CLIC4: variants seen among roughly 807,000 people sequenced by gnomAD.
The protein encoded by CLIC4 is chloride intracellular channel protein 4.
Under a neutral mutation model 24.6 loss-of-function variants are expected in CLIC4, and 13 were observed. That is an observed-to-expected ratio of 0.53 (90% CI 0.34 to 0.84). The LOEUF (loss-of-function observed/expected upper bound fraction) is 0.84. Among genes scored for constraint, CLIC4 ranks in the 40% least tolerant of loss-of-function variants. The pLI, the probability that CLIC4 is intolerant of heterozygous loss-of-function variation, is 0.01. For missense variants in CLIC4, 227 were observed against 301.7 expected, an observed-to-expected ratio of 0.75 and a Z score of 1.83; for synonymous variants, 104 against 111.3, an observed-to-expected ratio of 0.93 and a Z score of 0.41.
intron 1 of CLIC4, among the ~76,000 whole-genome samples, chr1:24,754,678 C>T (rs1638820915): frequency 6.6e-6 from 1 of 151,868 alleles, no homozygotes; most frequent in Non-Finnish European, 1.5e-5. Context: ...AGGGCATCAG[C>T]TAGTGAATTT....
chr1:24,801,585 C>G (rs1008465673), intron 2 of CLIC4, among the ~76,000 whole-genome samples: 3 of 152,120 alleles, frequency 2.0e-5, no homozygotes, highest in Non-Finnish European at 4.4e-5. Flanking sequence ...TGAACAGTGT[C>G]CAGGAAAAGA....
chr1:24,818,344 T>C (rs1262670492), intron 3 of CLIC4, among the ~76,000 whole-genome samples: 1 of 152,150 alleles, frequency 6.6e-6, no homozygotes, highest in Non-Finnish European at 1.5e-5. Flanking sequence ...TGGAGTGCAG[T>C]GGCACAATCT....
At chr1:24,767,405 G>A (rs1397137383) in intron 1 of CLIC4, among the ~76,000 whole-genome samples, 1 of 152,154 alleles carries the variant, frequency 6.6e-6, no homozygotes, top group Non-Finnish European at 1.5e-5. Flanking sequence ...TTGGCCTATG[G>A]TTAGTTTATT....
At chr1:24,803,465 T>C (rs960163463) in intron 2 of CLIC4, among the ~76,000 whole-genome samples, 2 of 152,234 alleles carry the variant, frequency 1.3e-5, no homozygotes, top group African/African-American at 4.8e-5. Flanking sequence ...TGAATCTCAG[T>C]TGGCATTAAT....
At chr1:24,799,450 C>A (rs1015154967) in intron 2 of CLIC4, among the ~76,000 whole-genome samples, 1 of 149,766 alleles carries the variant, frequency 6.7e-6, no homozygotes, top group Non-Finnish European at 1.5e-5. Context: ...CCCCTCCGCC[C>A]GGCAGCTGCC....
At chr1:24,746,351 T>G (rs1192409212) in intron 1 of CLIC4, among the ~76,000 whole-genome samples, 2 of 152,318 alleles carry the variant, frequency 1.3e-5, no homozygotes, top group Admixed American at 6.5e-5. Flanking sequence ...CCCTTTTGTT[T>G]TGAAAGAAAT....
intron 1 of CLIC4, among the ~76,000 whole-genome samples, 178 bp from the exon 2 acceptor site, chr1:24,797,564 A>AAG (rs1484083764): frequency 3.5e-5 from 5 of 144,926 alleles, no homozygotes; most frequent in African/African-American, 1.3e-4. Context: ...CAAAAAAAGA[A>AAG]AAAAAAAAAA....
intron 1 of CLIC4, among the ~76,000 whole-genome samples, chr1:24,783,063 C>T (rs1639224356): frequency 6.6e-6 from 1 of 152,158 alleles, no homozygotes; most frequent in Non-Finnish European, 1.5e-5. Flanking sequence ...ACATTTTACT[C>T]TATTTGCTTT....
chr1:24,827,136 A>G lies in CLIC4; in HGVS notation c.415+20A>G. The G allele has an allele frequency of 6.6e-7, 1 of 1,504,660 alleles. No homozygotes were observed. The highest frequency in any genetic ancestry group is 9.1e-7 in the Non-Finnish European group (1 of 1,096,278). The allele number at this position is 1,504,660 out of a possible 1,614,324, so 93.2% of individuals were successfully genotyped here. On this transcript the variant is annotated intron_variant, in intron 4 of 5. Transcript: ENST00000374379. ...ATGAAGGTAAAAAACAAAAACTTGA[A>G]TTAACATTGCAACAAAAAACCCCAA...
chr1:24,781,529 A>G (rs1429150143), intron 1 of CLIC4, among the ~76,000 whole-genome samples: 3 of 152,008 alleles, frequency 2.0e-5, no homozygotes, highest in African/African-American at 7.3e-5. Flanking sequence ...ATGTGATTGT[A>G]GTCACATAAG....
chr1:24,777,707 A>C (rs1239806013), intron 1 of CLIC4, among the ~76,000 whole-genome samples: 1 of 152,136 alleles, frequency 6.6e-6, no homozygotes, highest in Non-Finnish European at 1.5e-5. Context: ...AAATATGTCT[A>C]GTTTGAGTTG....
chr1:24,789,249 G>A (rs1639305884), intron 1 of CLIC4, among the ~76,000 whole-genome samples: 1 of 152,222 alleles, frequency 6.6e-6, no homozygotes, highest in Non-Finnish European at 1.5e-5. Context: ...TGGGCGAGGA[G>A]GCTCACGCCT....
At chr1:24,782,176 T>G (rs1176726289) in intron 1 of CLIC4, among the ~76,000 whole-genome samples, 1 of 152,280 alleles carries the variant, frequency 6.6e-6, no homozygotes, top group East Asian at 1.9e-4. Context: ...TGTACTGTTA[T>G]AAGCTGAACT....
intron 1 of CLIC4, among the ~76,000 whole-genome samples, chr1:24,772,242 A>ATTC (rs550201999): frequency 4.6e-5 from 7 of 152,118 alleles, no homozygotes; most frequent in African/African-American, 1.4e-4. Context: ...ACACAGAACC[A>ATTC]TTCTTCTTCT....
At chr1:24,831,555 G>A (rs186592470) in intron 4 of CLIC4, among the ~76,000 whole-genome samples, 1 of 152,244 alleles carries the variant, frequency 6.6e-6, no homozygotes, top group Admixed American at 6.5e-5. Context: ...CCCACAGACT[G>A]ATTCCATTCA....
chr1:24,838,689 C>T (rs182485996), intron 4 of CLIC4, among the ~76,000 whole-genome samples: 36 of 152,130 alleles, frequency 2.4e-4, no homozygotes, highest in African/African-American at 7.0e-4. Flanking sequence ...GGGAAGGTGG[C>T]TTTGGAAGGA....
chr1:24,759,032 A>G (rs1638887856), intron 1 of CLIC4, among the ~76,000 whole-genome samples: 1 of 152,198 alleles, frequency 6.6e-6, no homozygotes, highest in Admixed American at 6.6e-5. Flanking sequence ...TCTTTGGTGG[A>G]AGAAAGCAGG....
chr1:24,797,185 C>T (rs564926162), intron 1 of CLIC4, among the ~76,000 whole-genome samples: 2 of 151,634 alleles, frequency 1.3e-5, no homozygotes, highest in South Asian at 2.1e-4. Flanking sequence ...AACTCCTGAC[C>T]GTGTGATCCA....
intron 1 of CLIC4, among the ~76,000 whole-genome samples, chr1:24,766,931 A>ATGCAG (rs1481684603): frequency 6.7e-6 from 1 of 148,588 alleles, no homozygotes; most frequent in African/African-American, 2.5e-5. Context: ...CTGTTAGAGT[A>ATGCAG]TGCAGTGTCC....
Sources: gnomAD v4.1 joint callset for allele counts (sites outside exome capture counted in the v4.1 genomes callset) on GRCh38, gnomAD v4.1.1 for gene constraint, MANE v1.5 for transcripts, NCBI Gene and HGNC (gene_info 2026-07-23, HGNC 2026-07-21) for gene names.